The following RHOU variants were observed in gnomAD, a reference collection of about 807,000 sequenced individuals.
RHOU encodes the protein ras homolog family member U.
RHOU carries 8 observed loss-of-function variants against 12.6 expected under a neutral mutation model. The observed-to-expected ratio is 0.64, with a 90% CI of 0.37 to 1.15. The LOEUF is 1.15. RHOU is among the 50% of genes most tolerant of loss of function. The pLI is 0.01. For synonymous variants in RHOU, 161 were observed against 147.4 expected, an observed-to-expected ratio of 1.09 and a Z score of -0.67; for missense variants, 258 against 347.0, an observed-to-expected ratio of 0.74 and a Z score of 2.04.
At chr1:228,672,828 C>T in the RHOU span, among the ~76,000 whole-genome samples, 1 of 152,194 alleles carries the variant, frequency 6.6e-6, no homozygotes, top group Non-Finnish European at 1.5e-5. Context: ...CGGTTTCCCA[C>T]TGCCTAGTAT....
At chr1:228,721,974 G>A in the RHOU span, among the ~76,000 whole-genome samples, 33 of 152,210 alleles carry the variant, frequency 2.2e-4, no homozygotes, top group Middle Eastern at 3.4e-3. Context: ...CCGTAGTTGC[G>A]ACTTCTTTCA....
the RHOU span, among the ~76,000 whole-genome samples, chr1:228,677,422 G>GT: frequency 1.6e-4 from 25 of 151,968 alleles, no homozygotes; most frequent in Non-Finnish European, 2.9e-4. Flanking sequence ...CTATCCTTGA[G>GT]TTTTTTTTAT....
chr1:228,697,528 G>T, the RHOU span, among the ~76,000 whole-genome samples: 1 of 152,154 alleles, frequency 6.6e-6, no homozygotes, highest in Non-Finnish European at 1.5e-5. Context: ...GCAGTGCAGA[G>T]GAAGGAATTT....
the RHOU span, among the ~76,000 whole-genome samples, chr1:228,708,309 G>A: frequency 1.1e-4 from 16 of 151,598 alleles, no homozygotes; most frequent in African/African-American, 3.2e-4. Flanking sequence ...TACAGAGAAC[G>A]CCACAAAGAT....
the RHOU span, among the ~76,000 whole-genome samples, chr1:228,721,023 G>C: frequency 2.0e-5 from 3 of 152,040 alleles, no homozygotes; most frequent in Non-Finnish European, 4.4e-5. Flanking sequence ...TATCGCCTTG[G>C]GGGCACGGTG....
At chr1:228,711,503 C>T in the RHOU span, among the ~76,000 whole-genome samples, 65 of 152,030 alleles carry the variant, frequency 4.3e-4, no homozygotes, top group African/African-American at 1.3e-3. Context: ...GAAATAACGC[C>T]GCATATCTAC....
chr1:228,654,090 A>T, the RHOU span, among the ~76,000 whole-genome samples: 1 of 150,682 alleles, frequency 6.6e-6, no homozygotes, highest in African/African-American at 2.4e-5. Flanking sequence ...GTGTTCCTGA[A>T]GCCCTGTAAG....
At chr1:228,651,948 A>G in the RHOU span, among the ~76,000 whole-genome samples, 1 of 152,196 alleles carries the variant, frequency 6.6e-6, no homozygotes, top group Non-Finnish European at 1.5e-5. Context: ...CTTGGGTCCA[A>G]TGGAGGCAGT....
At chr1:228,687,932 T>A in the RHOU span, 11 of 708,104 alleles carry the variant, frequency 1.6e-5, no homozygotes, top group African/African-American at 1.2e-4. Context: ...CTGCTCCATC[T>A]CCCTCCCTCT....
the RHOU span, among the ~76,000 whole-genome samples, chr1:228,710,658 T>A: frequency 6.6e-6 from 1 of 151,378 alleles, no homozygotes; most frequent in Non-Finnish European, 1.5e-5. Flanking sequence ...ATGGGACATA[T>A]CTCAAAATAA....
At chr1:228,688,531 G>A in the RHOU span, among the ~76,000 whole-genome samples, 1 of 152,108 alleles carries the variant, frequency 6.6e-6, no homozygotes, top group Non-Finnish European at 1.5e-5. Context: ...TTCCTCCCAT[G>A]TCTGCCTGCT....
the RHOU span, among the ~76,000 whole-genome samples, chr1:228,647,237 G>A: frequency 6.6e-6 from 1 of 152,198 alleles, no homozygotes; most frequent in Non-Finnish European, 1.5e-5. Context: ...TTGCTTTGGA[G>A]GTGGGTTTCG....
At chr1:228,687,409 C>T in the RHOU span, 10 of 1,112,258 alleles carry the variant, frequency 9.0e-6, no homozygotes, top group Non-Finnish European at 1.2e-5. Flanking sequence ...CCCCAACATG[C>T]ATGCACTGCC....
upstream of RHOU, among the ~76,000 whole-genome samples, chr1:228,731,560 T>C (rs1662496629): frequency 6.6e-6 from 1 of 152,280 alleles, no homozygotes; most frequent in South Asian, 2.1e-4. Context: ...TTATCACATT[T>C]TGAGGACTTC....
the RHOU span, among the ~76,000 whole-genome samples, chr1:228,699,447 C>CAAAA: frequency 7.4e-5 from 3 of 40,602 alleles, no homozygotes; most frequent in Admixed American, 4.4e-4. Flanking sequence ...GAACCTGTCT[C>CAAAA]AAAAAAAAAA....
the RHOU span, chr1:228,687,703 T>G: frequency 6.8e-7 from 1 of 1,480,378 alleles, no homozygotes; most frequent in Non-Finnish European, 9.3e-7. Context: ...AATAAGCAGG[T>G]GAAAGCCATC....
At chr1:228,681,142 G>A in the RHOU span, among the ~76,000 whole-genome samples, 1 of 152,194 alleles carries the variant, frequency 6.6e-6, no homozygotes, top group South Asian at 2.1e-4. Flanking sequence ...GAGCCTAAAC[G>A]CTGGCTGATT....
At chr1:228,732,939 TAAACA>T (rs946361833), upstream of RHOU, among the ~76,000 whole-genome samples, 7 of 152,162 alleles carry the variant, frequency 4.6e-5, no homozygotes, top group Non-Finnish European at 1.0e-4. Flanking sequence ...ACCATAAACT[TAAACA>T]AAATACATAA....
the RHOU span, among the ~76,000 whole-genome samples, chr1:228,665,466 A>G: frequency 2.0e-5 from 3 of 152,128 alleles, no homozygotes; most frequent in Non-Finnish European, 4.4e-5. Flanking sequence ...CATGTCGGGG[A>G]TGGGTTGCCA....
Sources: gnomAD v4.1 joint callset for allele counts (sites outside exome capture counted in the v4.1 genomes callset) on GRCh38, gnomAD v4.1.1 for gene constraint, MANE v1.5 for transcripts, NCBI Gene and HGNC (gene_info 2026-07-23, HGNC 2026-07-21) for gene names.